The following TNRC6B variants were observed in gnomAD, a reference collection of about 807,000 sequenced individuals.
TNRC6B encodes trinucleotide repeat-containing gene 6B protein.
TNRC6B carries 52 observed loss-of-function variants against 203.6 expected under a neutral mutation model. The observed-to-expected ratio is 0.26, with a 90% CI of 0.20 to 0.32. The LOEUF is 0.32. Ranked by LOEUF, TNRC6B falls within the 10% of genes least tolerant of loss-of-function variation. The pLI, the probability that TNRC6B is intolerant of heterozygous loss-of-function variation, is 1.00. For missense variants in TNRC6B, 1,923 were observed against 2,286.2 expected, an observed-to-expected ratio of 0.84 and a Z score of 3.24; for synonymous variants, 838 against 845.7, an observed-to-expected ratio of 0.99 and a Z score of 0.16.
intron 1 of TNRC6B, among the ~76,000 whole-genome samples, chr22:40,089,319 G>A (rs1185013565): frequency 1.3e-5 from 2 of 151,506 alleles, no homozygotes; most frequent in African/African-American, 4.9e-5. Context: ...TGCAACCTCC[G>A]CCTCCCGTGT....
At chr22:40,285,891 C>T in intron 12 of TNRC6B, 121 bp downstream of exon 12, 1 of 1,310,084 alleles carries the variant, frequency 7.6e-7, no homozygotes, top group Non-Finnish European at 1.0e-6. Flanking sequence ...TATGAAAAAG[C>T]CATCTTTTCT....
chr22:40,124,764 C>A (rs1457486135), intron 2 of TNRC6B, among the ~76,000 whole-genome samples: 1 of 152,020 alleles, frequency 6.6e-6, no homozygotes, highest in Non-Finnish European at 1.5e-5. Flanking sequence ...CCTGTAATCC[C>A]AGCACTTTGG....
At chr22:40,278,736 T>G (rs945120642) in intron 9 of TNRC6B, among the ~76,000 whole-genome samples, 1 of 152,130 alleles carries the variant, frequency 6.6e-6, no homozygotes, top group African/African-American at 2.4e-5. Context: ...TTATGATTTT[T>G]GTATTTATTT....
rs375691776 is a variant in TNRC6B at position 40,283,017 on chromosome 22, CATTTTTT to C, written c.3582+1740_3582+1746del. Among the ~76,000 whole-genome samples, 772 of 152,002 alleles carry C rather than the reference CATTTTTT, an allele frequency of 5.1e-3. 5 individuals are homozygous for C. Among genetic ancestry groups the C allele is most frequent in the African/African-American group, 0.018 (741 of 41,492 alleles). On this transcript the variant is annotated intron_variant, in intron 11 of 22. Coordinates refer to ENST00000454349, the MANE Select transcript of TNRC6B (RefSeq NM_001162501.2). ...TGCCTTTTTTCTCCCGTTTATTTTT[CATTTTTT>C]ATTTTTTATTTATTTATTTATTTAT...
At chr22:40,151,479 G>A (rs1470965452) in intron 3 of TNRC6B, among the ~76,000 whole-genome samples, 12 of 147,610 alleles carry the variant, frequency 8.1e-5, no homozygotes, top group African/African-American at 2.8e-4. Context: ...AGCAGAGGTT[G>A]CAATGAGCTG....
intron 1 of TNRC6B, among the ~76,000 whole-genome samples, chr22:40,108,684 G>A (rs1232807144): frequency 6.6e-6 from 1 of 152,188 alleles, no homozygotes; most frequent in Non-Finnish European, 1.5e-5. Flanking sequence ...GCTCAAGCTA[G>A]ACATTAAAGA....
At chr22:40,309,373 G>C (rs552023830) in intron 16 of TNRC6B, among the ~76,000 whole-genome samples, 1 of 152,330 alleles carries the variant, frequency 6.6e-6, no homozygotes, top group Non-Finnish European at 1.5e-5. Context: ...CGCCCTGGCA[G>C]GCCCCAGCCC....
chr22:40,219,192 TGTCTG>T (rs1226062241), intron 1 of TNRC6B, among the ~76,000 whole-genome samples: 2 of 152,262 alleles, frequency 1.3e-5, no homozygotes, highest in African/African-American at 2.4e-5. Context: ...AGACAGGCTA[TGTCTG>T]GTTCACCTCT....
At chr22:40,059,375 T>C (rs1292087205) in intron 1 of TNRC6B, among the ~76,000 whole-genome samples, 1 of 152,228 alleles carries the variant, frequency 6.6e-6, no homozygotes, top group Non-Finnish European at 1.5e-5. Flanking sequence ...TTTTATAGAT[T>C]TCGATGTTTT....
chr22:40,266,361 G>C lies in TNRC6B; in HGVS notation c.2131G>C (p.Gly711Arg). ...GAACAACAACTCTTCCAACTGGGGA[G>C]GAGGACGACCTGATGAAAAGACACC... ...YKNNNSSNWG[G>R]GRPDEKTPSS... The change falls in exon 5 of 23, where the codon GGA becomes CGA. Residue 711 changes from glycine to arginine, a missense_variant. Transcript: ENST00000454349. The C allele has an allele frequency of 1.2e-6, 2 of 1,611,962 alleles. No homozygotes were observed. Among genetic ancestry groups the C allele is most frequent in the Non-Finnish European group, 1.7e-6 (2 of 1,178,992 alleles).
chr22:40,117,348 A>C (rs1260746410), intron 2 of TNRC6B, among the ~76,000 whole-genome samples: 1 of 152,208 alleles, frequency 6.6e-6, no homozygotes, highest in Admixed American at 6.5e-5. Context: ...GCCTCATGCT[A>C]GAAAGCTACA....
rs751124964 is a variant in TNRC6B, at chr22:40,265,246, T to A, written c.1016T>A (p.Val339Glu). 1 of 1,613,980 alleles carries A rather than the reference T, an allele frequency of 6.2e-7. No individual in the cohort carries two copies. Among genetic ancestry groups the A allele is most frequent in the Admixed American group, 1.7e-5 (1 of 60,020 alleles). Residue 339 changes from valine to glutamate, a missense_variant, in exon 5 of 23, where the codon GTA becomes GAA. Val to Glu is a moderately radical substitution (Grantham distance 121). Transcript: ENST00000454349. ...NSNSSAQVST[V>E]GQTSREQQSK... is the part of the protein sequence containing the mutation. ...AATTCCAGTGCACAGGTTAGCACAG[T>A]AGGTCAGACATCCAGGGAACAGCAG...
intron 1 of TNRC6B, among the ~76,000 whole-genome samples, chr22:40,082,100 T>C (rs545878339): frequency 1.3e-5 from 2 of 152,324 alleles, no homozygotes; most frequent in South Asian, 2.1e-4. Flanking sequence ...GGGGAAGTAG[T>C]TGAAAACAAA....
At position 40,055,331 on chromosome 22, in the gene TNRC6B, C is replaced by T. The variant is rs181781421; in HGVS notation, c.-121+10333C>T. On this transcript the variant is annotated intron_variant, in intron 1 of 23. Coordinates refer to the TNRC6B transcript ENST00000301923. ...GAGAAAGCCTTCCCAGGGAAGGTGA[C>T]ACTCACACTAAGTTGTGGAGGAAAA... is the stretch of plus-strand genomic sequence containing the variant. 1.6e-4 allele frequency among the ~76,000 whole-genome samples: 24 copies of T among 152,260 alleles called. No individual in the cohort carries two copies. The East Asian group carries it at 4.4e-3, about 28-fold the overall frequency.
intron 21 of TNRC6B, among the ~76,000 whole-genome samples, chr22:40,317,471 G>A (rs1000003209): frequency 2.0e-5 from 3 of 152,142 alleles, no homozygotes; most frequent in Non-Finnish European, 2.9e-5. Flanking sequence ...CCAGCTACTC[G>A]GGAGGCTGAG....
intron 1 of TNRC6B, among the ~76,000 whole-genome samples, chr22:40,230,597 T>G (rs1318403458): frequency 2.0e-5 from 3 of 152,120 alleles, no homozygotes; most frequent in African/African-American, 7.2e-5. Context: ...CGGCCTCTTT[T>G]GCCCGGTTTT....
At chr22:40,251,517 G>A (rs1029950695) in intron 3 of TNRC6B, among the ~76,000 whole-genome samples, 1 of 152,082 alleles carries the variant, frequency 6.6e-6, no homozygotes, top group Non-Finnish European at 1.5e-5. Flanking sequence ...TCGGGAGTTT[G>A]AGACCAACCT....
At chr22:40,307,515 A>G (rs2071103723) in intron 15 of TNRC6B, among the ~76,000 whole-genome samples, 1 of 152,110 alleles carries the variant, frequency 6.6e-6, no homozygotes, top group African/African-American at 2.4e-5. Flanking sequence ...TTTTATGAAC[A>G]GGTGTCACAC....
chr22:40,085,332 T>C (rs957649275), intron 1 of TNRC6B, among the ~76,000 whole-genome samples: 1 of 152,200 alleles, frequency 6.6e-6, no homozygotes, highest in Non-Finnish European at 1.5e-5. Flanking sequence ...TCCTTAATAT[T>C]ACAAAAAATT....
Sources: allele counts gnomAD v4.1 joint callset (sites outside exome capture counted in the v4.1 genomes callset), GRCh38; gene constraint gnomAD v4.1.1; transcripts MANE v1.5; gene names NCBI Gene and HGNC (gene_info 2026-07-23, HGNC 2026-07-21).